Variants in PDE11A observed in about 807,000 individuals in gnomAD.
PDE11A encodes the protein phosphodiesterase 11A.
PDE11A carries 100 observed loss-of-function variants against 100.5 expected under a neutral mutation model. The observed-to-expected ratio is 1.00, with a 90% CI of 0.85 to 1.18. The LOEUF (loss-of-function observed/expected upper bound fraction) is 1.18, where lower values mean the gene tolerates loss of function less well. PDE11A is among the 50% of genes most tolerant of loss of function. The pLI is 0.00. For synonymous variants in PDE11A, 381 were observed against 420.8 expected (o/e 0.91, Z 1.16); for missense variants, 1,141 against 1,152.6 (o/e 0.99, Z 0.15).
intron 17 of PDE11A, among the ~76,000 whole-genome samples, chr2:177,670,233 A>C (rs1201966458): frequency 6.6e-6 from 1 of 152,162 alleles, no homozygotes; most frequent in East Asian, 1.9e-4. Flanking sequence ...TACGCACTAA[A>C]AGTGTTAATT....
At chr2:177,662,365 C>A (rs2080496281) in intron 19 of PDE11A, among the ~76,000 whole-genome samples, 2 of 152,222 alleles carry the variant, frequency 1.3e-5, no homozygotes, top group Non-Finnish European at 2.9e-5. Context: ...TCCTCCTAAG[C>A]TTTACCCAAA....
At chr2:177,970,985 G>A (rs1482579863) in intron 2 of PDE11A, among the ~76,000 whole-genome samples, 2 of 152,142 alleles carry the variant, frequency 1.3e-5, no homozygotes, top group Non-Finnish European at 2.9e-5. Flanking sequence ...ACTTATTGAG[G>A]CAAATGTACT....
intron 2 of PDE11A, among the ~76,000 whole-genome samples, chr2:178,089,503 A>G (rs74514930): frequency 0.09 from 13,771 of 152,300 alleles, 686 homozygotes; most frequent in Middle Eastern, 0.13. Flanking sequence ...TACTTGCTGA[A>G]GGCAGGCCAG....
intron 6 of PDE11A, among the ~76,000 whole-genome samples, chr2:177,822,705 G>A (rs1303276498): frequency 6.6e-6 from 1 of 152,010 alleles, no homozygotes; most frequent in African/African-American, 2.4e-5. Context: ...ACAAAACTGA[G>A]TCTTTCAATC....
intron 1 of PDE11A, among the ~76,000 whole-genome samples, chr2:178,067,988 G>GA (rs1411896680): frequency 6.6e-6 from 1 of 152,050 alleles, no homozygotes; most frequent in Non-Finnish European, 1.5e-5. Context: ...TCAAACACCT[G>GA]TATTATCATT....
chr2:177,706,351 G>A (rs1055961207), intron 13 of PDE11A, among the ~76,000 whole-genome samples: 8 of 152,056 alleles, frequency 5.3e-5, no homozygotes, highest in Non-Finnish European at 1.2e-4. Context: ...ACTAGAATTC[G>A]ACTGGGAGCA....
At chr2:177,910,940 G>A (rs2084871821) in intron 2 of PDE11A, among the ~76,000 whole-genome samples, 1 of 152,128 alleles carries the variant, frequency 6.6e-6, no homozygotes, top group South Asian at 2.1e-4. Flanking sequence ...TAGTGAAGGG[G>A]GCCATCCCGT....
At chr2:177,871,368 C>T (rs966126405) in intron 5 of PDE11A, among the ~76,000 whole-genome samples, 1 of 151,918 alleles carries the variant, frequency 6.6e-6, no homozygotes, top group Non-Finnish European at 1.5e-5. Flanking sequence ...TAAGGTAGTG[C>T]TGGGGAGCTG....
chr2:177,734,265 C>G (rs550112188), intron 10 of PDE11A, among the ~76,000 whole-genome samples: 1 of 152,086 alleles, frequency 6.6e-6, no homozygotes, highest in African/African-American at 2.4e-5. Flanking sequence ...TTGATTGTAG[C>G]TAACCCAGAA....
chr2:177,972,299 A>C (rs1465507664), intron 2 of PDE11A, among the ~76,000 whole-genome samples: 2 of 152,236 alleles, frequency 1.3e-5, no homozygotes, highest in Non-Finnish European at 2.9e-5. Context: ...CAGTGACAGA[A>C]GGCCAGAGAG....
At chr2:177,790,831 A>T (rs1442042423) in intron 9 of PDE11A, among the ~76,000 whole-genome samples, 1 of 152,240 alleles carries the variant, frequency 6.6e-6, no homozygotes, top group Non-Finnish European at 1.5e-5. Flanking sequence ...TCAAAACCAC[A>T]ATGAGATACC....
At chr2:177,741,284 T>C (rs1049099862) in intron 10 of PDE11A, among the ~76,000 whole-genome samples, 2 of 152,194 alleles carry the variant, frequency 1.3e-5, no homozygotes, top group African/African-American at 2.4e-5. Context: ...CTTCTCTCTG[T>C]ACATGTGCAC....
At chr2:178,050,549 C>T (rs968556714) in intron 1 of PDE11A, among the ~76,000 whole-genome samples, 2 of 152,068 alleles carry the variant, frequency 1.3e-5, no homozygotes, top group East Asian at 1.9e-4. Flanking sequence ...TCGGTAATAA[C>T]AAACTTCTCT....
chr2:178,067,332 G>A (rs2087060358), intron 1 of PDE11A, among the ~76,000 whole-genome samples: 1 of 152,148 alleles, frequency 6.6e-6, no homozygotes, highest in Non-Finnish European at 1.5e-5. Flanking sequence ...CCTACTCTTG[G>A]TGAAGTTCAA....
At chr2:177,781,559 G>C (rs1407403490) in intron 9 of PDE11A, among the ~76,000 whole-genome samples, 1 of 151,166 alleles carries the variant, frequency 6.6e-6, no homozygotes, top group Non-Finnish European at 1.5e-5. Context: ...CTGGAGTGTA[G>C]TGGCTTGATC....
chr2:177,863,436 C>G (rs1465050970), intron 5 of PDE11A, among the ~76,000 whole-genome samples: 1 of 151,926 alleles, frequency 6.6e-6, no homozygotes, highest in Non-Finnish European at 1.5e-5. Flanking sequence ...ATATATCTGA[C>G]AAGGGGTTAA....
chr2:177,909,090 C>T (rs559630214), intron 2 of PDE11A, among the ~76,000 whole-genome samples: 1 of 152,302 alleles, frequency 6.6e-6, no homozygotes, highest in East Asian at 1.9e-4. Context: ...CCATTTTACA[C>T]ATCTAGCAAA....
At chr2:178,007,085 T>C (rs1043121190) in intron 2 of PDE11A, among the ~76,000 whole-genome samples, 2 of 152,220 alleles carry the variant, frequency 1.3e-5, no homozygotes, top group African/African-American at 4.8e-5. Flanking sequence ...TTCCATTATT[T>C]TATTCCCACT....
intron 3 of PDE11A, among the ~76,000 whole-genome samples, chr2:177,899,844 T>C (rs1312693174): frequency 6.6e-6 from 1 of 150,956 alleles, no homozygotes; most frequent in Non-Finnish European, 1.5e-5. Flanking sequence ...TACTGCTTTA[T>C]CCCAAACTGT....
Sources: gnomAD v4.1 joint callset for allele counts (sites outside exome capture counted in the v4.1 genomes callset) on GRCh38, gnomAD v4.1.1 for gene constraint, MANE v1.5 for transcripts, NCBI Gene and HGNC (gene_info 2026-07-23, HGNC 2026-07-21) for gene names.